ROPN1L: variants seen among roughly 807,000 people sequenced by gnomAD.
ROPN1L encodes the protein rhophilin associated tail protein 1 like, also known as ropporin-1-like protein.
A neutral mutation model predicts 22.7 loss-of-function variants in ROPN1L; 23 were observed. That is an observed-to-expected ratio of 1.01 (90% confidence interval 0.73 to 1.43). ROPN1L has a LOEUF of 1.43. ROPN1L is among the 40% of genes most tolerant of loss of function. ROPN1L has a pLI of 0.00. For synonymous variants in ROPN1L, 116 were observed against 117.8 expected (o/e 0.98, Z 0.10); for missense variants, 271 against 291.5 (o/e 0.93, Z 0.51).
chr5:10,461,397 C>T (rs1159880803), intron 4 of ROPN1L, 38 bp downstream of exon 4: 1 of 1,561,784 alleles, frequency 6.4e-7, no homozygotes, highest in Non-Finnish European at 8.8e-7. Flanking sequence ...GGTATGTTGA[C>T]CATGGGAGAA....
At chr5:10,468,995 A>T (rs1735202317), downstream of ROPN1L, among the ~76,000 whole-genome samples, 1 of 151,986 alleles carries the variant, frequency 6.6e-6, no homozygotes, top group Non-Finnish European at 1.5e-5. Flanking sequence ...CTCTACTAAA[A>T]ATACAAAAAA....
chr5:10,443,587 AGT>A (rs1416858398), intron 1 of ROPN1L, among the ~76,000 whole-genome samples: 1 of 151,612 alleles, frequency 6.6e-6, no homozygotes, highest in Non-Finnish European at 1.5e-5. Context: ...GCGCCACTGC[AGT>A]CCGCAGTCCG....
At chr5:10,472,102 A>C (rs1310852080), downstream of ROPN1L, 4 of 152,210 alleles carry the variant, frequency 2.6e-5, no homozygotes, top group African/African-American at 9.6e-5. Context: ...CACAGAAAAA[A>C]CTGGTAGAAA....
intron 3 of ROPN1L, among the ~76,000 whole-genome samples, chr5:10,452,257 G>A (rs569138234): frequency 7.3e-5 from 11 of 151,202 alleles, no homozygotes; most frequent in South Asian, 6.3e-4. Flanking sequence ...TAGATTACAG[G>A]TGTAAGCCAC....
intron 1 of ROPN1L, among the ~76,000 whole-genome samples, chr5:10,446,946 A>G (rs1472571537): frequency 6.6e-6 from 1 of 152,254 alleles, no homozygotes; most frequent in Non-Finnish European, 1.5e-5. Flanking sequence ...CAAATCATTA[A>G]CAAAGCCACA....
downstream of ROPN1L, among the ~76,000 whole-genome samples, chr5:10,469,331 A>G (rs1381385082): frequency 2.7e-5 from 4 of 147,502 alleles, no homozygotes; most frequent in African/African-American, 1.0e-4. Context: ...AAAAAAAAAA[A>G]AAAAAATCAG....
At chr5:10,457,562 G>A (rs1207912567) in intron 3 of ROPN1L, among the ~76,000 whole-genome samples, 1 of 152,222 alleles carries the variant, frequency 6.6e-6, no homozygotes, top group Non-Finnish European at 1.5e-5. Context: ...TCTGCTCCTC[G>A]CAGTAACCAC....
rs78255931 is a variant in ROPN1L at position 10,445,351 on chromosome 5, T to C, written c.132-2909T>C. ...TATGTAATTGTAGGTTCAAATATGT[T>C]TCAGCTGTCACAGGACAGAATCTGT... On this transcript the variant is annotated intron_variant, in intron 1 of 4. Coordinates refer to ENST00000274134, the MANE Select transcript of ROPN1L (RefSeq NM_031916.5). Among the ~76,000 whole-genome samples the C allele has an allele frequency of 7.2e-3, 1,104 of 152,334 alleles. 15 individuals carry two copies. The highest frequency in any genetic ancestry group is 0.025 in the African/African-American group (1,039 of 41,558).
At chr5:10,457,884 C>A (rs935569984) in intron 3 of ROPN1L, among the ~76,000 whole-genome samples, 1 of 152,078 alleles carries the variant, frequency 6.6e-6, no homozygotes, top group Non-Finnish European at 1.5e-5. Flanking sequence ...CTAGATTCAT[C>A]CCTGCAGGCG....
At chr5:10,449,354 A>C (rs1353424442) in intron 2 of ROPN1L, among the ~76,000 whole-genome samples, 2 of 152,134 alleles carry the variant, frequency 1.3e-5, no homozygotes. Context: ...CTTTGTCTCC[A>C]ATAAAAATAC....
chr5:10,477,597 G>A, the ROPN1L span, among the ~76,000 whole-genome samples: 2 of 152,122 alleles, frequency 1.3e-5, no homozygotes, highest in African/African-American at 4.8e-5. Context: ...CCGTGAGGAT[G>A]GCAGGAAGAG....
At position 10,461,310 on chromosome 5, in the gene ROPN1L, G is replaced by A; in HGVS notation, c.544G>A (p.Val182Met). The change falls in exon 4 of 5, where the codon GTG becomes ATG. Residue 182 changes from valine to methionine, a missense_variant. Physicochemically the swap from Val to Met is conservative, Grantham distance 21 (BLOSUM62 1). Transcript: ENST00000274134. ...CTACTTGGCCAGATTAGACTCAGAT[G>A]TGTCTCCCTTGGAGACGGAATCCTA... ...YRYLARLDSDVSPLETESYLA... is the reference protein window; with the variant it reads ...YRYLARLDSDMSPLETESYLA... The A allele has an allele frequency of 6.2e-7, 1 of 1,614,132 alleles. No individual in the cohort carries two copies. Among genetic ancestry groups the A allele is most frequent in the East Asian group, 2.2e-5 (1 of 44,880 alleles).
intron 3 of ROPN1L, among the ~76,000 whole-genome samples, chr5:10,458,676 G>A (rs1490420752): frequency 1.3e-4 from 3 of 22,928 alleles, no homozygotes; most frequent in South Asian, 2.7e-3. Flanking sequence ...CATGTACACC[G>A]TCCCCACCAT....
downstream of ROPN1L, among the ~76,000 whole-genome samples, chr5:10,475,545 T>C (rs958658497): frequency 6.6e-6 from 1 of 152,162 alleles, no homozygotes; most frequent in Non-Finnish European, 1.5e-5. Flanking sequence ...GACATAGGCC[T>C]GTCTCCAAAG....
Position 10,448,279 on chromosome 5 carries a change from A to G in ROPN1L, c.151A>G (p.Arg51Gly). ...TATTAGCTATTTTTCAGCTCTGTCG[A>G]GAGGAGATCCACTTCCTGTAAAGGA... is the stretch of plus-strand genomic sequence containing the variant. ...WSAGYFSALS[R>G]GDPLPVKDRM... The change falls in exon 2 of 5, where the codon AGA becomes GGA. Residue 51 changes from arginine (R) to glycine (G), a missense_variant. Coordinates refer to ENST00000274134, the MANE Select transcript of ROPN1L (RefSeq NM_031916.5). The G allele has an allele frequency of 6.2e-7, 1 of 1,614,134 alleles. No homozygotes were observed. Among genetic ancestry groups the G allele is most frequent in the East Asian group, 2.2e-5 (1 of 44,878 alleles).
chr5:10,459,339 G>A (rs922446134), intron 3 of ROPN1L, among the ~76,000 whole-genome samples: 4 of 151,634 alleles, frequency 2.6e-5, no homozygotes, highest in African/African-American at 4.9e-5. Context: ...CTCATCACTG[G>A]GTTCCTGCCT....
At chr5:10,455,904 C>T (rs1651724019) in intron 3 of ROPN1L, among the ~76,000 whole-genome samples, 1 of 93,080 alleles carries the variant, frequency 1.1e-5, no homozygotes, top group African/African-American at 3.4e-5. Flanking sequence ...TCTCTACCCC[C>T]AGCACAGGCA....
the ROPN1L span, among the ~76,000 whole-genome samples, chr5:10,477,166 T>G: frequency 1.3e-5 from 2 of 152,250 alleles, no homozygotes; most frequent in African/African-American, 4.8e-5. Context: ...TTTGAACTTT[T>G]TCAACTACTT....
chr5:10,465,851 A>AG (rs1200973598), downstream of ROPN1L, among the ~76,000 whole-genome samples: 1 of 152,168 alleles, frequency 6.6e-6, no homozygotes, highest in Admixed American at 6.5e-5. Flanking sequence ...ATAAAAAAAA[A>AG]CAAAGTGGCT....
Sources: allele counts gnomAD v4.1 joint callset (sites outside exome capture counted in the v4.1 genomes callset), GRCh38; gene constraint gnomAD v4.1.1; transcripts MANE v1.5; gene names NCBI Gene and HGNC (gene_info 2026-07-23, HGNC 2026-07-21).